Variants in CDYL observed in about 807,000 individuals in gnomAD.
The protein encoded by CDYL is chromodomain Y-like protein.
A neutral mutation model predicts 47.3 loss-of-function variants in CDYL; 8 were observed. The observed-to-expected ratio is 0.17, with a 90% CI of 0.10 to 0.31. The LOEUF (loss-of-function observed/expected upper bound fraction) is 0.31, where lower values mean the gene tolerates loss of function less well. CDYL is among the 10% of genes least tolerant of loss of function. CDYL has a pLI of 1.00. For missense variants in CDYL, 471 were observed against 701.4 expected (o/e 0.67, Z 3.71); for synonymous variants, 266 against 265.0 (o/e 1.00, Z -0.04).
intron 1 of CDYL, among the ~76,000 whole-genome samples, chr6:4,715,148 T>C (rs1233940784): frequency 6.6e-6 from 1 of 152,204 alleles, no homozygotes; most frequent in Non-Finnish European, 1.5e-5. Flanking sequence ...TGCCTTGGGC[T>C]CTCACCCTCC....
At chr6:4,800,361 A>G (rs577407672) in intron 1 of CDYL, among the ~76,000 whole-genome samples, 2 of 152,174 alleles carry the variant, frequency 1.3e-5, no homozygotes, top group South Asian at 2.1e-4. Context: ...AATTTTTTCA[A>G]TGATGTGTTT....
rs1315921582 is a variant in CDYL, at chr6:4,891,862, C to T, written c.174C>T (p.Arg58=). ...AATACATCCACGACTTCAACAGACG[C>T]CACACGGAGAAGCAGAAGGAGAGCA... ...CEEYIHDFNR[R]HTEKQKESTL... is the part of the protein sequence containing the mutation. Residue 58 remains arginine (R), a synonymous_variant, in exon 2 of 7, where the codon CGC becomes CGT. Coordinates refer to ENST00000397588, the MANE Select transcript of CDYL (RefSeq NM_004824.4). 1 of 1,614,018 alleles carries T rather than the reference C, an allele frequency of 6.2e-7. No homozygotes were observed. Among genetic ancestry groups the T allele is most frequent in the Non-Finnish European group, 8.5e-7 (1 of 1,180,038 alleles).
At chr6:4,744,865 A>G (rs1326806209) in intron 3 of CDYL, among the ~76,000 whole-genome samples, 1 of 152,150 alleles carries the variant, frequency 6.6e-6, no homozygotes, top group African/African-American at 2.4e-5. Flanking sequence ...TCTTCAAAGA[A>G]ATGACTCTCA....
intron 1 of CDYL, among the ~76,000 whole-genome samples, chr6:4,797,784 A>G (rs921500882): frequency 6.6e-6 from 1 of 152,220 alleles, no homozygotes; most frequent in African/African-American, 2.4e-5. Context: ...GTAGCTGATT[A>G]ATACCCCATT....
At chr6:4,743,059 C>T (rs1323840263) in intron 3 of CDYL, among the ~76,000 whole-genome samples, 1 of 152,206 alleles carries the variant, frequency 6.6e-6, no homozygotes, top group Non-Finnish European at 1.5e-5. Flanking sequence ...CCCCAAGGCT[C>T]TGATCTTTTA....
At chr6:4,778,994 A>G (rs972462186) in intron 1 of CDYL, among the ~76,000 whole-genome samples, 28 of 152,220 alleles carry the variant, frequency 1.8e-4, no homozygotes, top group African/African-American at 6.3e-4. Flanking sequence ...TTTACATGAG[A>G]ACATATGTAA....
intron 2 of CDYL, among the ~76,000 whole-genome samples, chr6:4,718,157 T>A (rs1244984332): frequency 6.6e-6 from 1 of 152,118 alleles, no homozygotes; most frequent in Non-Finnish European, 1.5e-5. Context: ...TTTTTGAATA[T>A]ACCTAAGACA....
At chr6:4,708,011 T>G (rs913894955) in intron 1 of CDYL, among the ~76,000 whole-genome samples, 3 of 152,114 alleles carry the variant, frequency 2.0e-5, no homozygotes, top group Admixed American at 6.6e-5. Context: ...GTGATGGCAT[T>G]GTAGTTGGAA....
intron 4 of CDYL, among the ~76,000 whole-genome samples, chr6:4,938,310 G>A (rs988021976): frequency 5.3e-4 from 81 of 151,706 alleles, no homozygotes; most frequent in African/African-American, 1.9e-3. Context: ...ACTGGACAGA[G>A]AACCAGATAG....
At chr6:4,709,486 G>A (rs1245679991) in intron 1 of CDYL, among the ~76,000 whole-genome samples, 1 of 152,134 alleles carries the variant, frequency 6.6e-6, no homozygotes, top group South Asian at 2.1e-4. Flanking sequence ...GTGAGCCATT[G>A]CACCCAGCCG....
At chr6:4,868,838 CTGAAATACT>C (rs1761394392) in intron 1 of CDYL, among the ~76,000 whole-genome samples, 1 of 152,064 alleles carries the variant, frequency 6.6e-6, no homozygotes, top group Non-Finnish European at 1.5e-5. Flanking sequence ...TCTTGAAATA[CTGAAATACT>C]TGAAATACTG....
At chr6:4,834,028 A>G (rs1442240765) in intron 1 of CDYL, among the ~76,000 whole-genome samples, 5 of 151,206 alleles carry the variant, frequency 3.3e-5, no homozygotes, top group African/African-American at 7.4e-5. Flanking sequence ...TCTTTATCCA[A>G]TTTGCCAGTC....
chr6:4,798,347 C>T (rs1333222990), intron 1 of CDYL, among the ~76,000 whole-genome samples: 1 of 152,088 alleles, frequency 6.6e-6, no homozygotes. Context: ...AAGATAATTG[C>T]ACTATTGTCA....
At chr6:4,749,086 AT>A (rs895886468) in intron 3 of CDYL, among the ~76,000 whole-genome samples, 1 of 152,156 alleles carries the variant, frequency 6.6e-6, no homozygotes, top group African/African-American at 2.4e-5. Context: ...CCAACAGGTA[AT>A]TTTTTTCTAC....
chr6:4,938,471 A>C, intron 4 of CDYL, among the ~76,000 whole-genome samples: 1 of 152,330 alleles, frequency 6.6e-6, no homozygotes, highest in South Asian at 2.1e-4. Context: ...AGAAGTAAAA[A>C]TTGTATATAC....
At chr6:4,729,437 A>G (rs553604269) in intron 2 of CDYL, among the ~76,000 whole-genome samples, 1 of 151,920 alleles carries the variant, frequency 6.6e-6, no homozygotes. Flanking sequence ...ACCTCTGGCA[A>G]ATCTAAAGCC....
intron 2 of CDYL, among the ~76,000 whole-genome samples, chr6:4,732,930 C>T (rs1049181770): frequency 1.3e-5 from 2 of 152,036 alleles, no homozygotes; most frequent in Non-Finnish European, 2.9e-5. Context: ...TGGGAGAGAG[C>T]GGAACAGTGA....
intron 3 of CDYL, among the ~76,000 whole-genome samples, chr6:4,741,955 C>T (rs1757804176): frequency 6.6e-6 from 1 of 152,162 alleles, no homozygotes; most frequent in South Asian, 2.1e-4. Context: ...CTGCATGTGC[C>T]TCCTCATGGT....
intron 2 of CDYL, among the ~76,000 whole-genome samples, chr6:4,899,221 A>T (rs11970320): frequency 0.031 from 4,785 of 152,308 alleles, 233 homozygotes; most frequent in African/African-American, 0.11. Context: ...TAGCCAAAAA[A>T]GTGTAAGAGG....
Sources: gnomAD v4.1 joint callset for allele counts (sites outside exome capture counted in the v4.1 genomes callset) on GRCh38, gnomAD v4.1.1 for gene constraint, MANE v1.5 for transcripts, NCBI Gene and HGNC (gene_info 2026-07-23, HGNC 2026-07-21) for gene names.